SERAC1: variants seen among roughly 807,000 people sequenced by gnomAD.
SERAC1 encodes the protein serine active site containing 1, also known as protein SERAC1.
SERAC1 carries 36 observed loss-of-function variants against 85.7 expected under a neutral mutation model. The ratio of observed to expected loss-of-function variants is 0.42; its 90% CI spans 0.32 to 0.55. The LOEUF (loss-of-function observed/expected upper bound fraction) is 0.55, where lower values mean the gene tolerates loss of function less well. Ranked by LOEUF, SERAC1 falls within the 20% of genes least tolerant of loss-of-function variation. The pLI, the probability that SERAC1 is intolerant of heterozygous loss-of-function variation, is 0.11. For missense variants in SERAC1, 629 were observed against 796.2 expected (o/e 0.79, Z 2.53); for synonymous variants, 242 against 265.3 (o/e 0.91, Z 0.85).
At chr6:158,153,250 TGA>T (rs778293023) in intron 3 of SERAC1, among the ~76,000 whole-genome samples, 2 of 152,232 alleles carry the variant, frequency 1.3e-5, no homozygotes, top group Non-Finnish European at 2.9e-5. Context: ...CTTGTATTTG[TGA>T]GTTATCCATG....
chr6:158,150,642 A>T, intron 3 of SERAC1, 53 bp from the exon 4 acceptor site: 1 of 1,268,992 alleles, frequency 7.9e-7, no homozygotes, highest in Non-Finnish European at 1.1e-6. Context: ...AATGTAACAC[A>T]AGAGCTACTC....
chr6:158,166,603 A>T (rs1785602852), intron 1 of SERAC1, among the ~76,000 whole-genome samples: 1 of 152,150 alleles, frequency 6.6e-6, no homozygotes, highest in African/African-American at 2.4e-5. Flanking sequence ...CTTTTTGTTG[A>T]GTCTTTCCAT....
In SERAC1 at chr6:158,139,615, T is replaced by C. The variant is rs1784871418; in HGVS notation, c.738+3441A>G. ...TGGCTCACACCTGTAGCCTCAGCTA[T>C]TCAGGAGGCTGAGGTGGGAGGATCA... On this transcript the variant is annotated intron_variant, in intron 8 of 16. Transcript: ENST00000647468. Among the ~76,000 whole-genome samples, 3 of 152,200 alleles carry C rather than the reference T, an allele frequency of 2.0e-5. No individual in the cohort carries two copies. In the South Asian group the frequency reaches 6.2e-4, roughly 31 times the overall value.
In SERAC1 at chr6:158,117,660, C is replaced by A. The variant is rs1295185110; in HGVS notation, c.1403+67G>T. 5 of 1,610,222 alleles carry A rather than the reference C, an allele frequency of 3.1e-6. No homozygotes were observed. The highest frequency in any genetic ancestry group is 3.4e-6 in the Non-Finnish European group (4 of 1,177,456). The stretch of plus-strand genomic sequence containing the variant: ...TCAAAAAATTAAAATCACTTCCCAT[C>A]CAAGAGGACCTAAACTTGCGGCCTG... On this transcript the variant is annotated intron_variant, in intron 13 of 16. Transcript: ENST00000647468. This position sits in a 1 kb window ranked among gnomAD's most constrained non-coding sequence, Gnocchi z 4.3.
chr6:158,134,397 A>G (rs150154601), intron 8 of SERAC1, among the ~76,000 whole-genome samples: 66 of 152,332 alleles, frequency 4.3e-4, no homozygotes, highest in African/African-American at 1.5e-3. Flanking sequence ...TAGAACAGGG[A>G]AAGTCTAAGA....
At chr6:158,144,657 T>C (rs1016363237) in intron 6 of SERAC1, among the ~76,000 whole-genome samples, 10 of 152,130 alleles carry the variant, frequency 6.6e-5, no homozygotes, top group African/African-American at 2.2e-4. Context: ...CCTAACTTTT[T>C]GGAAAAAAGG....
At chr6:158,147,768 CAAAAAAAAAAAAAAAAAAAA>C (rs71027383) in intron 5 of SERAC1, among the ~76,000 whole-genome samples, 22,041 of 70,322 alleles carry the variant, frequency 0.31, 2,512 homozygotes, top group Middle Eastern at 0.56. Flanking sequence ...GGCTCTGTCT[CAAAAAAAAAAAAAAAAAAAA>C]AAAAAAAAAA....
At chr6:158,122,272 TAC>T (rs1479215219) in intron 10 of SERAC1, among the ~76,000 whole-genome samples, 3 of 152,252 alleles carry the variant, frequency 2.0e-5, no homozygotes, top group Non-Finnish European at 4.4e-5. Flanking sequence ...TGCCTAACGA[TAC>T]ATTCCTCAGA....
chr6:158,147,301 G>C (rs1655230520), intron 5 of SERAC1, among the ~76,000 whole-genome samples: 1 of 151,200 alleles, frequency 6.6e-6, no homozygotes, highest in Admixed American at 6.6e-5. Context: ...ATCAGGCCCA[G>C]CTAATCTTTT....
intron 1 of SERAC1, among the ~76,000 whole-genome samples, chr6:158,163,419 C>T (rs542886858): frequency 2.0e-5 from 3 of 152,112 alleles, no homozygotes; most frequent in African/African-American, 7.2e-5. Flanking sequence ...ACCATAGGGC[C>T]AAGTGTGGTG....
rs1322077514 is a variant in SERAC1 at position 158,111,236 on chromosome 6, G to A, written c.*130C>T. 1.1e-6 allele frequency: 1 copy of A among 874,858 alleles called. No homozygotes were observed. Among genetic ancestry groups the A allele is most frequent in the Non-Finnish European group, 1.7e-6 (1 of 588,326 alleles). The allele number at this position is 874,858 out of a possible 1,614,324, so 54.2% of individuals were successfully genotyped here. On this transcript the variant is annotated 3_prime_UTR_variant, in exon 17 of 17. Coordinates refer to ENST00000647468, the MANE Select transcript of SERAC1 (RefSeq NM_032861.4). Reference sequence around the variant, plus strand: ...AAGGGAGAACAATGTTCTGTAGTCTGCAACACACTCCAGACCATGTTGACG... The same window carrying A: ...AAGGGAGAACAATGTTCTGTAGTCTACAACACACTCCAGACCATGTTGACG...
At position 158,155,380 on chromosome 6, in the gene SERAC1, A is replaced by C. The variant is rs1190188799; in HGVS notation, c.92-29T>G. The C allele has an allele frequency of 2.2e-6, 3 of 1,379,460 alleles. No homozygotes were observed. In the Admixed American group the frequency reaches 5.2e-5, roughly 24 times the overall value. 85.5% of individuals were successfully genotyped at this position (1,379,460 alleles called of 1,614,324 possible). On this transcript the variant is annotated intron_variant, in intron 2 of 16. Coordinates refer to ENST00000647468, the MANE Select transcript of SERAC1 (RefSeq NM_032861.4). The stretch of plus-strand genomic sequence containing the variant: ...CAAAAGAAAAAAAGTCAATGTGATG[A>C]ATTTCATTTTTAAAAGTGTGAAAGG...
intron 10 of SERAC1, among the ~76,000 whole-genome samples, chr6:158,124,014 G>C (rs1784478232): frequency 6.6e-6 from 1 of 152,160 alleles, no homozygotes; most frequent in African/African-American, 2.4e-5. Context: ...TAGAGTACTA[G>C]ACAACTCAGG....
intron 8 of SERAC1, among the ~76,000 whole-genome samples, chr6:158,140,471 C>T (rs777776238): frequency 3.9e-5 from 6 of 152,234 alleles, no homozygotes; most frequent in African/African-American, 9.6e-5. Flanking sequence ...GAAGGCTCAG[C>T]GCCCCTTCCT....
intron 6 of SERAC1, chr6:158,145,822 TGAGAA>T (rs1785042654): frequency 1.3e-5 from 2 of 152,118 alleles, no homozygotes; most frequent in African/African-American, 4.8e-5. Context: ...CATGCCTGGC[TGAGAA>T]AATTATTTTT....
At chr6:158,134,601 A>C (rs1784750075) in intron 8 of SERAC1, among the ~76,000 whole-genome samples, 1 of 152,142 alleles carries the variant, frequency 6.6e-6, no homozygotes. Flanking sequence ...TCCCATATGG[A>C]TTAGAAAAGC....
At chr6:158,164,196 C>A (rs921535710) in intron 1 of SERAC1, among the ~76,000 whole-genome samples, 4 of 151,926 alleles carry the variant, frequency 2.6e-5, no homozygotes, top group African/African-American at 4.8e-5. Context: ...GATTATGGGG[C>A]CAGGCACGGT....
chr6:158,114,221 C>T (rs1321705855), intron 15 of SERAC1, among the ~76,000 whole-genome samples: 4 of 152,138 alleles, frequency 2.6e-5, no homozygotes, highest in Admixed American at 6.5e-5. Flanking sequence ...GTACGGAAAA[C>T]ACAATCTGAC....
chr6:158,141,702 A>C (rs1041888754), intron 8 of SERAC1, among the ~76,000 whole-genome samples: 3 of 152,206 alleles, frequency 2.0e-5, no homozygotes, highest in Non-Finnish European at 2.9e-5. Flanking sequence ...ATACCTTGTC[A>C]AAAAACCATG....
Sources: gnomAD v4.1 joint callset for allele counts (sites outside exome capture counted in the v4.1 genomes callset) on GRCh38, gnomAD v4.1.1 for gene constraint, Gnocchi (gnomAD v3.1) non-coding constraint, MANE v1.5 for transcripts, NCBI Gene and HGNC (gene_info 2026-07-23, HGNC 2026-07-21) for gene names.